Variants in PLS1 observed in about 807,000 individuals in gnomAD.
The protein encoded by PLS1 is plastin 1, also known as plastin-1.
A neutral mutation model predicts 73.7 loss-of-function variants in PLS1; 32 were observed. The observed-to-expected ratio is 0.43, with a 90% CI of 0.33 to 0.58. The LOEUF (loss-of-function observed/expected upper bound fraction) is 0.58. Ranked by LOEUF, PLS1 falls within the 20% of genes least tolerant of loss-of-function variation. PLS1 has a pLI of 0.04. For missense variants in PLS1, 633 were observed against 740.5 expected, an observed-to-expected ratio of 0.85 and a Z score of 1.68; for synonymous variants, 217 against 261.3, an observed-to-expected ratio of 0.83 and a Z score of 1.63.
intron 3 of PLS1, 118 bp downstream of exon 3, chr3:142,669,671 AATG>A (rs3836386): frequency 0.56 from 293,758 of 524,778 alleles, 86,812 homozygotes; most frequent in African/African-American, 0.77. Context: ...ACTGCTTTAA[AATG>A]ATGATGATGA....
At chr3:142,603,055 C>G (rs187955457) in intron 1 of PLS1, among the ~76,000 whole-genome samples, 4 of 152,240 alleles carry the variant, frequency 2.6e-5, no homozygotes, top group Admixed American at 2.0e-4. Context: ...TGATGAACGT[C>G]GGGGAGAAAG....
At chr3:142,606,273 T>C (rs1203642374) in intron 1 of PLS1, among the ~76,000 whole-genome samples, 2 of 152,222 alleles carry the variant, frequency 1.3e-5, no homozygotes, top group Non-Finnish European at 2.9e-5. Flanking sequence ...AGAACTTCTT[T>C]ATGCACAGTT....
Position 142,664,196 on chromosome 3 carries a change from T to C in PLS1, c.-36-6T>C, listed in dbSNP as rs1318910439. The C allele has an allele frequency of 9.0e-7, 1 of 1,107,160 alleles. No homozygotes were observed. The highest frequency in any genetic ancestry group is 2.2e-5 in the Admixed American group (1 of 45,668). The allele number at this position is 1,107,160 out of a possible 1,614,324, so 68.6% of individuals were successfully genotyped here. On this transcript the variant is annotated splice_region_variant and splice_polypyrimidine_tract_variant and intron_variant, in intron 1 of 15. Coordinates refer to ENST00000457734, the MANE Select transcript of PLS1 (RefSeq NM_001145319.2). Reference sequence around the variant, plus strand: ...CATGCTTTTTTTATAATATTGCTTTTTCTAGATATAAAGACCTGAAGATAG... The same window carrying C: ...CATGCTTTTTTTATAATATTGCTTTCTCTAGATATAAAGACCTGAAGATAG...
At chr3:142,668,751 G>A (rs368511206) in intron 2 of PLS1, among the ~76,000 whole-genome samples, 3 of 151,908 alleles carry the variant, frequency 2.0e-5, no homozygotes, top group East Asian at 3.9e-4. Context: ...ACAGGTGCCC[G>A]CCACTATGCC....
chr3:142,690,706 C>A (rs1311453369), intron 10 of PLS1, among the ~76,000 whole-genome samples: 3 of 152,112 alleles, frequency 2.0e-5, no homozygotes, highest in Non-Finnish European at 4.4e-5. Context: ...TATTTTGTAT[C>A]AATTAGCTAT....
chr3:142,675,123 G>GT (rs2037692799), intron 4 of PLS1, among the ~76,000 whole-genome samples: 3 of 152,152 alleles, frequency 2.0e-5, no homozygotes, highest in South Asian at 4.1e-4. Flanking sequence ...TATTTCTGTT[G>GT]TAAGCTAAAA....
intron 5 of PLS1, 95 bp from the exon 6 acceptor site, chr3:142,677,937 T>C (rs754018068): frequency 2.2e-4 from 131 of 595,340 alleles, no homozygotes; most frequent in Non-Finnish European, 3.6e-4. Context: ...TAATGAATTG[T>C]TATTTTCAAA....
intron 9 of PLS1, among the ~76,000 whole-genome samples, chr3:142,687,210 T>C (rs984958354): frequency 1.4e-5 from 2 of 145,456 alleles, no homozygotes; most frequent in Non-Finnish European, 3.0e-5. Flanking sequence ...ACACTAACAA[T>C]AGCTGATGAG....
At chr3:142,658,956 T>A (rs1424593062) in intron 1 of PLS1, among the ~76,000 whole-genome samples, 2 of 152,228 alleles carry the variant, frequency 1.3e-5, no homozygotes, top group African/African-American at 4.8e-5. Flanking sequence ...GAAAAACATT[T>A]GCTTTTGAAT....
chr3:142,600,907 TATATA>T (rs1560024515), intron 1 of PLS1, among the ~76,000 whole-genome samples: 39 of 30,258 alleles, frequency 1.3e-3, no homozygotes, highest in African/African-American at 7.2e-3. Flanking sequence ...TATATATATA[TATATA>T]TATATTTTTT....
intron 12 of PLS1, among the ~76,000 whole-genome samples, chr3:142,699,829 G>C (rs1437779599): frequency 1.3e-5 from 2 of 152,118 alleles, no homozygotes; most frequent in Admixed American, 1.3e-4. Flanking sequence ...TATTAAAGTA[G>C]TTAAATGGGT....
At chr3:142,606,537 T>C (rs1431218455) in intron 1 of PLS1, among the ~76,000 whole-genome samples, 1 of 152,192 alleles carries the variant, frequency 6.6e-6, no homozygotes, top group African/African-American at 2.4e-5. Flanking sequence ...TTAAACTGTA[T>C]AGTCAGTTTT....
At chr3:142,669,690 AC>A in intron 3 of PLS1, 137 bp downstream of exon 3, 2 of 560,452 alleles carry the variant, frequency 3.6e-6, no homozygotes, top group Non-Finnish European at 3.1e-6. Flanking sequence ...GATGATGATG[AC>A]AATAACTATT....
chr3:142,673,818 C>G (rs2107853356), intron 4 of PLS1: 1 of 152,310 alleles, frequency 6.6e-6, no homozygotes, highest in East Asian at 1.9e-4. Flanking sequence ...CCTGCTAGAA[C>G]TTCCAAACAA....
chr3:142,684,442 A>C (rs2037922295), intron 8 of PLS1, 47 bp downstream of exon 8: 1 of 1,513,308 alleles, frequency 6.6e-7, no homozygotes. Flanking sequence ...AAGGATGTGC[A>C]GTGTAAAAAT....
intron 12 of PLS1, 45 bp from the exon 13 acceptor site, chr3:142,703,823 T>C (rs535115629): frequency 2.7e-5 from 37 of 1,373,308 alleles, no homozygotes; most frequent in African/African-American, 2.4e-4. Flanking sequence ...TCTGGAGATA[T>C]GTTTTTAAAA....
At chr3:142,600,831 C>A (rs1278154600) in intron 1 of PLS1, among the ~76,000 whole-genome samples, 1 of 123,484 alleles carries the variant, frequency 8.1e-6, no homozygotes, top group Non-Finnish European at 1.6e-5. Context: ...AACAAATGAG[C>A]TTGAGAAATG....
chr3:142,703,033 A>T (rs897093170), intron 12 of PLS1, among the ~76,000 whole-genome samples: 5 of 152,244 alleles, frequency 3.3e-5, no homozygotes, highest in African/African-American at 1.2e-4. Flanking sequence ...GATCATTATT[A>T]GCTGGTACAG....
intron 6 of PLS1, among the ~76,000 whole-genome samples, chr3:142,683,435 C>T (rs1032426566): frequency 4.6e-5 from 7 of 152,126 alleles, no homozygotes; most frequent in African/African-American, 1.7e-4. Flanking sequence ...GCCCAGGAGG[C>T]GGAGCTTGCA....
Sources: gnomAD v4.1 joint callset for allele counts (sites outside exome capture counted in the v4.1 genomes callset) on GRCh38, gnomAD v4.1.1 for gene constraint, MANE v1.5 for transcripts, NCBI Gene and HGNC (gene_info 2026-07-23, HGNC 2026-07-21) for gene names.